Variants in TOP1MT observed in about 807,000 individuals in gnomAD.
The protein encoded by TOP1MT is DNA topoisomerase I mitochondrial.
A neutral mutation model predicts 73.9 loss-of-function variants in TOP1MT; 80 were observed. That is an observed-to-expected ratio of 1.08 (90% CI 0.90 to 1.30). TOP1MT has a LOEUF of 1.30. TOP1MT is among the 50% of genes most tolerant of loss of function. The pLI is 0.00. For synonymous variants in TOP1MT, 338 were observed against 326.4 expected, an observed-to-expected ratio of 1.04 and a Z score of -0.38; for missense variants, 815 against 808.0, an observed-to-expected ratio of 1.01 and a Z score of -0.10.
intron 12 of TOP1MT, among the ~76,000 whole-genome samples, chr8:143,314,557 G>A (rs996488750): frequency 6.4e-5 from 9 of 140,326 alleles, no homozygotes; most frequent in African/African-American, 1.6e-4. Context: ...CCGCGCCAGC[G>A]CACTCCAGCC....
rs369958587 is a variant in TOP1MT, at chr8:143,321,269, C to A, written c.1078G>T (p.Val360Leu). 4.8e-5 allele frequency: 78 copies of A among 1,612,610 alleles called. No individual in the cohort carries two copies. The highest frequency in any genetic ancestry group is 6.4e-5 in the Non-Finnish European group (75 of 1,179,200). ...LHPEADGCQH[V>L]VEFDFLGKDC... ...TTCCCCAGGAAGTCAAATTCCACCA[C>A]GTGTTGGCAGCCATCGGCCTCCGGG... is the stretch of plus-strand genomic sequence containing the variant. The change falls in exon 8 of 14, where the codon GTG becomes TTG. Residue 360 changes from valine (V) to leucine (L), a missense_variant. Physicochemically the swap from Val to Leu is conservative, Grantham distance 32. Around this residue, in one of 3 missense-constraint regions of TOP1MT, gnomAD observed 751 missense variants for 725.4 expected, o/e 1.04. Transcript: ENST00000329245.
At chr8:143,321,671 C>CCA (rs1431604026) in intron 7 of TOP1MT, among the ~76,000 whole-genome samples, 41 of 96,754 alleles carry the variant, frequency 4.2e-4, no homozygotes, top group South Asian at 1.4e-3. Flanking sequence ...CACACGCACG[C>CCA]CACACACGCA....
chr8:143,310,153 G>C lies in TOP1MT; in HGVS notation c.1618C>G (p.Gln540Glu). 1 of 1,611,142 alleles carries C rather than the reference G, an allele frequency of 6.2e-7. No homozygotes were observed. Among genetic ancestry groups the C allele is most frequent in the Non-Finnish European group, 8.5e-7 (1 of 1,178,930 alleles). ...LQEQLAQLSVQATDKEENKQV... is the reference protein window; with the variant it reads ...LQEQLAQLSVEATDKEENKQV... Reference sequence around the variant, plus strand: ...TTGTTCTCCTCCTTGTCCGTGGCCTGCACACTCAGCTGCGCCAGCTGCTCC... The same window carrying C: ...TTGTTCTCCTCCTTGTCCGTGGCCTCCACACTCAGCTGCGCCAGCTGCTCC... The change falls in exon 13 of 14, where the codon CAG (glutamine) becomes GAG (glutamate). Residue 540 changes from glutamine to glutamate, a missense_variant. Around this residue, in one of 3 missense-constraint regions of TOP1MT, gnomAD observed 751 missense variants for 725.4 expected, o/e 1.04. Coordinates refer to ENST00000329245, the MANE Select transcript of TOP1MT (RefSeq NM_052963.3).
At chr8:143,310,327 G>A in intron 12 of TOP1MT, 110 bp from the exon 13 acceptor site, 1 of 795,162 alleles carries the variant, frequency 1.3e-6, no homozygotes, top group Non-Finnish European at 1.9e-6. Context: ...CCCTGTCCCT[G>A]TCATTGTCAT....
rs912127940 is a variant in TOP1MT at position 143,342,763 on chromosome 8, A to G, written c.29+457T>C. ...TCTCGCTCTGTTATTATTATTAGAG[A>G]CAGAGTCTTGCTCTATTATTATTAT... On this transcript the variant is annotated intron_variant, in intron 2 of 5. Transcript: ENST00000518007. 1.3e-4 allele frequency among the ~76,000 whole-genome samples: 9 copies of G among 70,190 alleles called. 1 individual carries two copies. Among genetic ancestry groups the G allele is most frequent in the Admixed American group, 3.4e-4 (2 of 5,940 alleles). The allele number at this position is 70,190 out of a possible 152,430, so 46.0% of individuals were successfully genotyped here.
rs1193654900 is a variant in TOP1MT, at chr8:143,322,872, C to T, written c.960+1127G>A. Reference sequence around the variant, plus strand: ...GCACGCAACACACACGCACGCCACACGCACGCAACACACGCACGCCACACG... The same window carrying T: ...GCACGCAACACACACGCACGCCACATGCACGCAACACACGCACGCCACACG... On this transcript the variant is annotated intron_variant, in intron 7 of 13. Transcript: ENST00000329245. 2.7e-4 allele frequency among the ~76,000 whole-genome samples: 31 copies of T among 113,218 alleles called. 1 individual carries two copies. Among genetic ancestry groups the T allele is most frequent in the African/African-American group, 1.0e-3 (28 of 28,132 alleles). The allele number at this position is 113,218 out of a possible 152,430, so 74.3% of individuals were successfully genotyped here. A position where few individuals can be genotyped will look rare whatever the true frequency, so the allele number is the denominator to read the frequency against.
At chr8:143,345,110 G>C (rs1817197261), upstream of TOP1MT, 1 of 152,358 alleles carries the variant, frequency 6.6e-6, no homozygotes, top group Non-Finnish European at 1.5e-5. Context: ...GCTCCACCTG[G>C]GCCAGCACAG....
intron 10 of TOP1MT, among the ~76,000 whole-genome samples, chr8:143,316,960 C>T (rs7824152): frequency 0.12 from 18,983 of 152,252 alleles, 1,361 homozygotes; most frequent in African/African-American, 0.19. Context: ...CTAGCTCCTC[C>T]GCATCCCACA....
chr8:143,342,742 G>A (rs989077439), intron 2 of TOP1MT, among the ~76,000 whole-genome samples: 2 of 95,314 alleles, frequency 2.1e-5, no homozygotes, highest in Non-Finnish European at 2.4e-5. Flanking sequence ...ACAGAGTCTC[G>A]CTCTGTTATT....
chr8:143,324,240 A>G lies in TOP1MT; in HGVS notation c.817-98T>C, dbSNP rs943457525. On this transcript the variant is annotated intron_variant, in intron 6 of 13. Transcript: ENST00000329245. ...CCTCCCCCAAACCTCGTGCTTCTCC[A>G]CTCAGTGGTGCCGTGGTCAGGGGCT... is the stretch of plus-strand genomic sequence containing the variant. 4 of 1,523,134 alleles carry G rather than the reference A, an allele frequency of 2.6e-6. No homozygotes were observed. In the African/African-American group the frequency reaches 5.5e-5, roughly 21 times the overall value. The allele number at this position is 1,523,134 out of a possible 1,614,324, so 94.4% of individuals were successfully genotyped here.
intron 8 of TOP1MT, among the ~76,000 whole-genome samples, chr8:143,318,924 C>T (rs551429628): frequency 5.9e-5 from 9 of 152,320 alleles, no homozygotes; most frequent in African/African-American, 1.2e-4. Context: ...CTTTATGTCC[C>T]GCCTTTTTCT....
chr8:143,334,970 G>A (rs1816957733), upstream of TOP1MT: 2 of 1,144,900 alleles, frequency 1.7e-6, no homozygotes, highest in Admixed American at 4.8e-5. Context: ...GCCCCCAGCG[G>A]CGCTCATCCC....
chr8:143,329,501 G>A (rs1305086744), intron 2 of TOP1MT, 30 bp from the exon 3 acceptor site: 5 of 1,593,746 alleles, frequency 3.1e-6, no homozygotes, highest in Non-Finnish European at 4.3e-6. Flanking sequence ...CATCGTATGA[G>A]AGAGCGGCCA....
At chr8:143,328,377 GT>G in intron 3 of TOP1MT, 1 of 424,830 alleles carries the variant, frequency 2.4e-6, no homozygotes, top group South Asian at 1.7e-5. Flanking sequence ...AAGCAACTCA[GT>G]TTTTTAAATA....
At chr8:143,310,426 C>T (rs1046588288) in intron 12 of TOP1MT, 16 of 466,182 alleles carry the variant, frequency 3.4e-5, no homozygotes, top group Non-Finnish European at 4.2e-5. Flanking sequence ...AGAGGAGGGC[C>T]GTGGGCGGAG....
chr8:143,356,259 C>G (rs1028871895), upstream of TOP1MT, among the ~76,000 whole-genome samples: 2 of 152,202 alleles, frequency 1.3e-5, no homozygotes, highest in African/African-American at 2.4e-5. Flanking sequence ...CAGCAGCCGT[C>G]AAAGGATTCC....
rs77455800 is a variant in TOP1MT at position 143,341,894 on chromosome 8, C to A, written c.29+1326G>T. Among the ~76,000 whole-genome samples the A allele has an allele frequency of 2.0e-5, 3 of 151,926 alleles. No individual in the cohort carries two copies. Among genetic ancestry groups the A allele is most frequent in the Non-Finnish European group, 2.9e-5 (2 of 68,006 alleles). ...TCCCCCTTCTTCTTCTTCTTATTAG[C>A]GACAGAGTCTCACTCTGTTATTATT... On this transcript the variant is annotated intron_variant, in intron 2 of 5. Coordinates refer to the TOP1MT transcript ENST00000518007. The surrounding 1 kb of genome is among the most constrained non-coding windows in gnomAD (Gnocchi z 4.1).
chr8:143,311,690 G>A (rs1226081332), intron 12 of TOP1MT, among the ~76,000 whole-genome samples: 1 of 151,322 alleles, frequency 6.6e-6, no homozygotes, highest in Non-Finnish European at 1.5e-5. Context: ...AGGTTGTGGT[G>A]AGCTGAGATC....
chr8:143,321,417 G>T (rs748649590), intron 7 of TOP1MT, 31 bp from the exon 8 acceptor site: 2 of 1,535,960 alleles, frequency 1.3e-6, no homozygotes, highest in Admixed American at 1.9e-5. Flanking sequence ...AAAGTGGGTG[G>T]TGCGTGCACA....
Sources: gnomAD v4.1 joint callset for allele counts (sites outside exome capture counted in the v4.1 genomes callset) on GRCh38, gnomAD v4.1.1 for gene constraint, gnomAD v4.1.1 regional missense constraint, Gnocchi (gnomAD v3.1) non-coding constraint, MANE v1.5 for transcripts, NCBI Gene and HGNC (gene_info 2026-07-23, HGNC 2026-07-21) for gene names.